CPXM2: variants seen among roughly 807,000 people sequenced by gnomAD.
The protein encoded by CPXM2 is inactive carboxypeptidase-like protein X2.
In CPXM2, 66 loss-of-function variants were observed where a neutral mutation model predicts 86.1. The observed-to-expected ratio is 0.77, with a 90% CI of 0.63 to 0.94. The LOEUF (loss-of-function observed/expected upper bound fraction) is 0.94. Among genes scored for constraint, CPXM2 ranks in the 40% least tolerant of loss-of-function variants. The pLI, the probability that CPXM2 is intolerant of heterozygous loss-of-function variation, is 0.00. For missense variants in CPXM2, 948 were observed against 1,026.3 expected, an observed-to-expected ratio of 0.92 and a Z score of 1.04; for synonymous variants, 388 against 400.2, an observed-to-expected ratio of 0.97 and a Z score of 0.36.
At chr10:123,895,103 TTTTTTTTTC>T (rs1464060459), upstream of CPXM2, among the ~76,000 whole-genome samples, 8,761 of 138,374 alleles carry the variant, frequency 0.063, 410 homozygotes, top group East Asian at 0.2. Flanking sequence ...GACAGATTCT[TTTTTTTTTC>T]TTTTTTTTCT....
At chr10:123,767,181 C>T in intron 9 of CPXM2, 29 bp from the exon 10 acceptor site, 1 of 1,604,840 alleles carries the variant, frequency 6.2e-7, no homozygotes, top group Non-Finnish European at 8.5e-7. Context: ...GTGAAGAATG[C>T]ACAGGCTGCA....
intron 3 of CPXM2, among the ~76,000 whole-genome samples, chr10:123,853,314 C>T (rs576298080): frequency 5.0e-4 from 76 of 152,296 alleles, no homozygotes; most frequent in African/African-American, 1.7e-3. Context: ...CAGTCTCAGC[C>T]GTTTCTTTAT....
At chr10:123,795,201 T>A (rs577157799) in intron 6 of CPXM2, among the ~76,000 whole-genome samples, 1 of 152,332 alleles carries the variant, frequency 6.6e-6, no homozygotes, top group African/African-American at 2.4e-5. Context: ...CAGAATGTTT[T>A]CATCTTGCAA....
intron 2 of CPXM2, among the ~76,000 whole-genome samples, chr10:123,864,162 G>T (rs1473739133): frequency 6.6e-6 from 1 of 151,914 alleles, no homozygotes; most frequent in Non-Finnish European, 1.5e-5. Context: ...CCATCACCTG[G>T]TCTCAGCCTA....
rs117389485 is a variant in CPXM2, at chr10:123,880,568, A to G, written c.305-259T>C. Among the ~76,000 whole-genome samples the G allele has an allele frequency of 4.2e-3, 643 of 152,210 alleles. 4 individuals are homozygous for G. The highest frequency in any genetic ancestry group is 6.0e-3 in the Non-Finnish European group (411 of 68,004). On this transcript the variant is annotated intron_variant, in intron 1 of 13. Transcript: ENST00000241305. ...TTACTATTATAAGACTGAAGATCAC[A>G]CCTGTAATCCCAGCACTTTGGGAGG...
At chr10:123,782,597 A>AC (rs1846960452) in intron 6 of CPXM2, among the ~76,000 whole-genome samples, 1 of 151,456 alleles carries the variant, frequency 6.6e-6, no homozygotes, top group Non-Finnish European at 1.5e-5. Flanking sequence ...TTTTATTGAG[A>AC]CCCTCCCTAT....
intron 2 of CPXM2, among the ~76,000 whole-genome samples, chr10:123,930,648 T>C (rs9702289): frequency 0.81 from 122,866 of 152,208 alleles, 50,128 homozygotes; most frequent in African/African-American, 0.91. Context: ...CTCCAGTAAG[T>C]GAATCAGGAT....
At chr10:123,941,816 T>A (rs1317084037), upstream of CPXM2, among the ~76,000 whole-genome samples, 1 of 152,208 alleles carries the variant, frequency 6.6e-6, no homozygotes, top group Non-Finnish European at 1.5e-5. Context: ...TCGTTCACCT[T>A]GAGCAGGCCA....
rs368914654 is a variant in CPXM2 at position 123,798,060 on chromosome 10, G to C, written c.805C>G (p.Arg269Gly). The C allele has an allele frequency of 2.5e-6, 4 of 1,611,552 alleles. No individual in the cohort carries two copies. The highest frequency in any genetic ancestry group is 4.5e-5 in the East Asian group (2 of 44,706). The change falls in exon 6 of 14, where the codon CGC becomes GGC. Residue 269 changes from arginine to glycine, a missense_variant. Arg to Gly is a moderately radical substitution (Grantham distance 125). Coordinates refer to ENST00000241305, the MANE Select transcript of CPXM2 (RefSeq NM_198148.3). ...GACTGAGGGTTTATGCGGATGTAGCGGGCCACCATGGGGACGGGTAGCTCA... is the reference window on the plus strand; with the variant it reads ...GACTGAGGGTTTATGCGGATGTAGCCGGCCACCATGGGGACGGGTAGCTCA... ...LNELPVPMVARYIRINPQSWF... is the reference protein window; with the variant it reads ...LNELPVPMVAGYIRINPQSWF...
chr10:123,773,111 C>G (rs1303675669), intron 7 of CPXM2, among the ~76,000 whole-genome samples: 1 of 151,582 alleles, frequency 6.6e-6, no homozygotes, highest in Non-Finnish European at 1.5e-5. Flanking sequence ...GTTCTTATCG[C>G]TGTTATTGTG....
In CPXM2 at chr10:123,769,139, A is replaced by G. The variant is rs902461380; in HGVS notation, c.1103-417T>C. On this transcript the variant is annotated intron_variant, in intron 8 of 13. Coordinates refer to ENST00000241305, the MANE Select transcript of CPXM2 (RefSeq NM_198148.3). ...AATGAATATAAGCAGAGAATAGTCC[A>G]TCAGGGCAAATCAGCAGTGACACAG... Among the ~76,000 whole-genome samples the G allele has an allele frequency of 3.3e-5, 5 of 152,238 alleles. No homozygotes were observed. The East Asian group carries it at 9.6e-4, about 29-fold the overall frequency.
chr10:123,872,067 TG>T (rs1190735880), intron 2 of CPXM2, among the ~76,000 whole-genome samples: 2 of 152,206 alleles, frequency 1.3e-5, no homozygotes, highest in African/African-American at 4.8e-5. Flanking sequence ...CTGGTAAGGA[TG>T]TGAAGCAACT....
At chr10:123,787,598 A>G (rs1049120033) in intron 6 of CPXM2, among the ~76,000 whole-genome samples, 1 of 152,188 alleles carries the variant, frequency 6.6e-6, no homozygotes, top group African/African-American at 2.4e-5. Context: ...TATTCTTAAA[A>G]GAACAGTAAG....
chr10:123,940,751 C>A (rs1302300389), upstream of CPXM2, among the ~76,000 whole-genome samples: 1 of 152,208 alleles, frequency 6.6e-6, no homozygotes, highest in Non-Finnish European at 1.5e-5. Context: ...AAGATTCCCA[C>A]ACCGGTGGGG....
At chr10:123,750,519 C>A in intron 13 of CPXM2, 1 of 985,378 alleles carries the variant, frequency 1.0e-6, no homozygotes, top group South Asian at 4.7e-5. Flanking sequence ...GCTTTCCCAC[C>A]TATTTGTAAA....
chr10:123,932,177 G>T (rs1482684999), intron 2 of CPXM2, among the ~76,000 whole-genome samples: 9 of 152,176 alleles, frequency 5.9e-5, no homozygotes, highest in Non-Finnish European at 5.9e-5. Flanking sequence ...AGACTTGGTG[G>T]TTGGTTATGT....
At chr10:123,941,932 C>T (rs747779618), upstream of CPXM2, among the ~76,000 whole-genome samples, 18 of 152,222 alleles carry the variant, frequency 1.2e-4, no homozygotes, top group Non-Finnish European at 2.4e-4. Flanking sequence ...GCTTAGATCC[C>T]TATGGGCATG....
chr10:123,780,848 A>C (rs1846917527), intron 6 of CPXM2, among the ~76,000 whole-genome samples: 1 of 152,192 alleles, frequency 6.6e-6, no homozygotes, highest in South Asian at 2.1e-4. Context: ...ATGACTGGAC[A>C]ATCAGAACAC....
rs73366797 is a variant in CPXM2 at position 123,885,090 on chromosome 10, C to G, written c.305-4781G>C. 6.6e-6 allele frequency among the ~76,000 whole-genome samples: 1 copy of G among 152,178 alleles called. No homozygotes were observed. Among genetic ancestry groups the G allele is most frequent in the African/African-American group, 2.4e-5 (1 of 41,430 alleles). ...GCCTGAGACAAGAAGGCTTTGGGCACAGTGCTGTATGTGGGAGGAGATTTC... is the reference window on the plus strand; with the variant it reads ...GCCTGAGACAAGAAGGCTTTGGGCAGAGTGCTGTATGTGGGAGGAGATTTC... On this transcript the variant is annotated intron_variant, in intron 1 of 13. Coordinates refer to ENST00000241305, the MANE Select transcript of CPXM2 (RefSeq NM_198148.3). The surrounding 1 kb of genome is among the most constrained non-coding windows in gnomAD (Gnocchi z 4.0).
Sources: allele counts gnomAD v4.1 joint callset (sites outside exome capture counted in the v4.1 genomes callset), GRCh38; gene constraint gnomAD v4.1.1; non-coding constraint Gnocchi (gnomAD v3.1); transcripts MANE v1.5; gene names NCBI Gene and HGNC (gene_info 2026-07-23, HGNC 2026-07-21).